Variants in OTOP1 observed in about 807,000 individuals in gnomAD.
The protein encoded by OTOP1 is proton channel OTOP1.
OTOP1 carries 59 observed loss-of-function variants against 52.9 expected under a neutral mutation model. The observed-to-expected ratio is 1.12, with a 90% CI of 0.91 to 1.39. The LOEUF (loss-of-function observed/expected upper bound fraction) is 1.39, where lower values mean the gene tolerates loss of function less well. Ranked by LOEUF, OTOP1 falls within the 40% of genes most tolerant of loss-of-function variation. The probability of loss-of-function intolerance (pLI) is 0.00; values close to 1 mark genes in which losing one functional copy is unlikely to be tolerated. For synonymous variants in OTOP1, 317 were observed against 337.7 expected, an observed-to-expected ratio of 0.94 and a Z score of 0.67; for missense variants, 761 against 800.9, an observed-to-expected ratio of 0.95 and a Z score of 0.60.
intron 1 of OTOP1, among the ~76,000 whole-genome samples, chr4:4,214,966 C>A (rs1717107299): frequency 6.6e-6 from 1 of 151,972 alleles, no homozygotes. Flanking sequence ...CATGTTTTAC[C>A]ACAATTAAAA....
At chr4:4,191,153 C>T (rs1716495381) in intron 5 of OTOP1, among the ~76,000 whole-genome samples, 1 of 152,142 alleles carries the variant, frequency 6.6e-6, no homozygotes, top group Non-Finnish European at 1.5e-5. Context: ...CCTTATCTCC[C>T]TCCTACTCTC....
intron 2 of OTOP1, among the ~76,000 whole-genome samples, chr4:4,211,992 A>G (rs1236146513): frequency 6.6e-6 from 1 of 152,226 alleles, no homozygotes; most frequent in Admixed American, 6.5e-5. Flanking sequence ...TACCCAAAAA[A>G]AGAAAGGCAA....
intron 1 of OTOP1, among the ~76,000 whole-genome samples, chr4:4,213,487 T>A (rs1194193421): frequency 6.6e-6 from 1 of 152,318 alleles, no homozygotes; most frequent in Non-Finnish European, 1.5e-5. Context: ...TAGCAAATTA[T>A]ATATCTAATA....
At position 4,188,758 on chromosome 4, in the gene OTOP1, A is replaced by C. The variant is rs771376858; in HGVS notation, c.*45T>G. The stretch of plus-strand genomic sequence containing the variant: ...AACCTGGCCACTCCTAGTTGGCTCC[A>C]ATGAACTCTTGTTAGCTCACTCCTA... On this transcript the variant is annotated 3_prime_UTR_variant, in exon 6 of 6. Transcript: ENST00000296358. 3.9e-6 allele frequency: 6 copies of C among 1,528,180 alleles called. No homozygotes were observed. Among genetic ancestry groups the C allele is most frequent in the Non-Finnish European group, 5.3e-6 (6 of 1,136,794 alleles). The allele number at this position is 1,528,180 out of a possible 1,614,324, so 94.7% of individuals were successfully genotyped here.
chr4:4,191,426 T>C (rs1262526803), intron 5 of OTOP1, among the ~76,000 whole-genome samples: 6 of 152,138 alleles, frequency 3.9e-5, no homozygotes, highest in Non-Finnish European at 7.4e-5. Context: ...TAAAGTAAAA[T>C]CTACACTCCC....
In OTOP1 at chr4:4,196,238, G is replaced by A. The variant is rs1716620231; in HGVS notation, c.1668+928C>T. 2.0e-5 allele frequency among the ~76,000 whole-genome samples: 3 copies of A among 151,722 alleles called. No homozygotes were observed. In the South Asian group the frequency reaches 6.3e-4, roughly 32 times the overall value. ...GTTCAAGACAAGCCTGGGCAGCACA[G>A]TGAGAACCTATCTCTACAAAAAAAA... On this transcript the variant is annotated intron_variant, in intron 5 of 5. Transcript: ENST00000296358.
Position 4,197,263 on chromosome 4 carries a change from C to T in OTOP1, c.1571G>A (p.Ser524Asn). 6.2e-7 allele frequency: 1 copy of T among 1,614,178 alleles called. No homozygotes were observed. Among genetic ancestry groups the T allele is most frequent in the African/African-American group, 1.3e-5 (1 of 75,030 alleles). Residue 524 changes from serine to asparagine, a missense_variant, in exon 5 of 6, where the codon AGC becomes AAC. Physicochemically the swap from Ser to Asn is conservative, Grantham distance 46 (BLOSUM62 1). Coordinates refer to ENST00000296358, the MANE Select transcript of OTOP1 (RefSeq NM_177998.3). ...ACGGGGAAGGCGGACTGGGCTTGGG[C>T]TCCCTCCCCAGCTGCTCTCCTCCTG... is the stretch of plus-strand genomic sequence containing the variant. The part of the protein sequence containing the change: ...EKQEESSWGG[S>N]PSPVRLPRFL...
Position 4,197,543 on chromosome 4 carries a change from G to C in OTOP1, c.1291C>G (p.Leu431Val), listed in dbSNP as rs1426154733. ...YTWYNLPYSI[L>V]AIVEKYIQNL... ...TGGATGTACTTCTCCACGATCGCCAGGATGGAGTAGGGCAGGTTGTACCAG... is the reference window on the plus strand; with the variant it reads ...TGGATGTACTTCTCCACGATCGCCACGATGGAGTAGGGCAGGTTGTACCAG... Residue 431 changes from leucine (L) to valine (V), a missense_variant, in exon 5 of 6, where the codon CTG (leucine) becomes GTG (valine). Transcript: ENST00000296358. 2 of 1,614,154 alleles carry C rather than the reference G, an allele frequency of 1.2e-6. No homozygotes were observed. The highest frequency in any genetic ancestry group is 8.5e-7 in the Non-Finnish European group (1 of 1,180,036).
At chr4:4,222,444 C>G (rs1341061728) in intron 1 of OTOP1, among the ~76,000 whole-genome samples, 1 of 152,160 alleles carries the variant, frequency 6.6e-6, no homozygotes, top group East Asian at 1.9e-4. Flanking sequence ...GCCACTCTTT[C>G]CAGTGGCCTG....
intron 2 of OTOP1, among the ~76,000 whole-genome samples, chr4:4,212,004 T>A (rs1198477487): frequency 6.6e-6 from 1 of 152,188 alleles, no homozygotes; most frequent in South Asian, 2.1e-4. Context: ...GAAAGGCAAC[T>A]ATGTGAGATG....
At chr4:4,190,870 C>T (rs777409021) in intron 5 of OTOP1, among the ~76,000 whole-genome samples, 14 of 152,104 alleles carry the variant, frequency 9.2e-5, no homozygotes, top group Non-Finnish European at 1.9e-4. Flanking sequence ...TGTTGGCCAG[C>T]GTCCAGGGAT....
chr4:4,207,655 C>T (rs571709316), intron 2 of OTOP1, among the ~76,000 whole-genome samples: 1 of 151,918 alleles, frequency 6.6e-6, no homozygotes, highest in East Asian at 1.9e-4. Context: ...GATATTTGTC[C>T]ACCCATGTTC....
rs112666566 is a variant in OTOP1 at position 4,216,804 on chromosome 4, G to A, written c.404-3800C>T. On this transcript the variant is annotated intron_variant, in intron 1 of 5. Transcript: ENST00000296358. ...AACTGTAGAGACCTGGACACTCACA[G>A]AATACATGAGTCACTTCCTGCTCCC... is the stretch of plus-strand genomic sequence containing the variant. 6.3e-3 allele frequency among the ~76,000 whole-genome samples: 967 copies of A among 152,324 alleles called. 13 individuals carry two copies. The highest frequency in any genetic ancestry group is 0.022 in the African/African-American group (912 of 41,576).
chr4:4,221,413 A>C (rs1717298573), intron 1 of OTOP1, among the ~76,000 whole-genome samples: 1 of 151,832 alleles, frequency 6.6e-6, no homozygotes. Context: ...ACATAGGGAG[A>C]CCCTGTCCTT....
intron 3 of OTOP1, among the ~76,000 whole-genome samples, chr4:4,204,735 T>C (rs930603349): frequency 1.2e-4 from 18 of 149,654 alleles, no homozygotes; most frequent in Non-Finnish European, 2.4e-4. Context: ...TGTGTGTGTG[T>C]GTGTGTGTGT....
chr4:4,202,631 C>A, intron 3 of OTOP1, 53 bp from the exon 4 acceptor site: 1 of 1,603,824 alleles, frequency 6.2e-7, no homozygotes, highest in Non-Finnish European at 8.5e-7. Context: ...GCCTCAGGCA[C>A]CATGGGGTGA....
intron 5 of OTOP1, among the ~76,000 whole-genome samples, chr4:4,194,835 C>T (rs2980122): frequency 0.6 from 91,136 of 151,970 alleles, 28,717 homozygotes; most frequent in South Asian, 0.76. Flanking sequence ...CTGCTTCCCC[C>T]TCCTCACCAA....
At position 4,197,214 on chromosome 4, in the gene OTOP1, T is replaced by C; in HGVS notation, c.1620A>G (p.Arg540=). Residue 540 remains arginine, a synonymous_variant, in exon 5 of 6, where the codon AGA becomes AGG. Coordinates refer to ENST00000296358, the MANE Select transcript of OTOP1 (RefSeq NM_177998.3). ...AGGCTGCAATATTCCTCAGGACTTT[T>C]CTCTTGGCGTTGCCCTGTAAGAAAC... ...LPRFLQGNAK[R]KVLRNIAAFL... 1.2e-6 allele frequency: 2 copies of C among 1,612,344 alleles called. No homozygotes were observed. The highest frequency in any genetic ancestry group is 1.7e-6 in the Non-Finnish European group (2 of 1,179,770).
intron 3 of OTOP1, 56 bp downstream of exon 3, chr4:4,206,016 A>G: frequency 6.7e-7 from 1 of 1,483,086 alleles, no homozygotes; most frequent in Non-Finnish European, 9.4e-7. Flanking sequence ...ATGAGTTTTG[A>G]AAATTCTAAA....
Sources: gnomAD v4.1 joint callset for allele counts (sites outside exome capture counted in the v4.1 genomes callset) on GRCh38, gnomAD v4.1.1 for gene constraint, MANE v1.5 for transcripts, NCBI Gene and HGNC (gene_info 2026-07-23, HGNC 2026-07-21) for gene names.